Variants in TMX3 observed in about 807,000 individuals in gnomAD.
TMX3 encodes the protein protein disulfide-isomerase TMX3.
A neutral mutation model predicts 64.4 loss-of-function variants in TMX3; 40 were observed. The ratio of observed to expected loss-of-function variants is 0.62; its 90% confidence interval spans 0.48 to 0.81. TMX3 has a LOEUF of 0.81. Ranked by LOEUF, TMX3 falls within the 30% of genes least tolerant of loss-of-function variation. The pLI, the probability that TMX3 is intolerant of heterozygous loss-of-function variation, is 0.00. For synonymous variants in TMX3, 189 were observed against 175.7 expected, an observed-to-expected ratio of 1.08 and a Z score of -0.60; for missense variants, 497 against 534.5, an observed-to-expected ratio of 0.93 and a Z score of 0.69.
At chr18:68,689,017 C>G (rs1428888911) in intron 9 of TMX3, 1 of 152,132 alleles carries the variant, frequency 6.6e-6, no homozygotes, top group Admixed American at 6.6e-5. Context: ...ACCCATGTAA[C>G]AAACCTGCAC....
intron 13 of TMX3, among the ~76,000 whole-genome samples, chr18:68,682,609 C>G (rs1170640329): frequency 2.6e-5 from 4 of 151,924 alleles, no homozygotes; most frequent in African/African-American, 9.7e-5. Flanking sequence ...CCCATTAAAA[C>G]AGAACTTCTC....
At chr18:68,683,064 A>G in intron 12 of TMX3, 83 bp from the exon 13 acceptor site, 2 of 1,262,384 alleles carry the variant, frequency 1.6e-6, no homozygotes, top group South Asian at 2.6e-5. Flanking sequence ...TAAATAGTAA[A>G]AAAGTAAATA....
In TMX3 at chr18:68,675,661, CTAATA is replaced by C. The variant is rs1410618013; in HGVS notation, c.*1267_*1271del. On this transcript the variant is annotated 3_prime_UTR_variant, in exon 16 of 16. Transcript: ENST00000299608. ...GAATAACCACTCAAATCATAGTTGCCTAATATAAATTCTAAACTTAGCTAAAATGA... is the reference window on the plus strand; with the variant it reads ...GAATAACCACTCAAATCATAGTTGCCTAAATTCTAAACTTAGCTAAAATGA... The C allele has an allele frequency of 1.3e-5, 2 of 151,978 alleles. No individual in the cohort carries two copies. Among genetic ancestry groups the C allele is most frequent in the Non-Finnish European group, 2.9e-5 (2 of 68,004 alleles). The allele number at this position is 151,978 out of a possible 1,614,324, so 9.4% of individuals were successfully genotyped here.
chr18:68,688,681 A>T (rs1206817421), intron 9 of TMX3: 1 of 152,240 alleles, frequency 6.6e-6, no homozygotes, highest in Non-Finnish European at 1.5e-5. Context: ...TATTGATTTA[A>T]ATTTATAAAT....
rs1371581846 is a variant in TMX3 at position 68,676,177 on chromosome 18, AAC to A, written c.*754_*755del. 1.3e-5 allele frequency: 2 copies of A among 152,184 alleles called. No individual in the cohort carries two copies. Among genetic ancestry groups the A allele is most frequent in the Non-Finnish European group, 2.9e-5 (2 of 68,032 alleles). 9.4% of individuals were successfully genotyped at this position (152,184 alleles called of 1,614,324 possible). ...ATTCTGGCTAAAGCAGAGTAGGATT[AAC>A]AGAGACCCTTCCCAACCTACAATGA... On this transcript the variant is annotated 3_prime_UTR_variant, in exon 16 of 16. Coordinates refer to ENST00000299608, the MANE Select transcript of TMX3 (RefSeq NM_019022.5).
rs1297677743 is a variant in TMX3, at chr18:68,676,631, C to G, written c.*302G>C. The G allele has an allele frequency of 3.4e-6, 1 of 293,528 alleles. No homozygotes were observed. The highest frequency in any genetic ancestry group is 2.2e-5 in the African/African-American group (1 of 45,648). The allele number at this position is 293,528 out of a possible 1,614,324, so 18.2% of individuals were successfully genotyped here. A position where few individuals can be genotyped will look rare whatever the true frequency, so the allele number is the denominator to read the frequency against. The stretch of plus-strand genomic sequence containing the variant: ...CAATTTAAATATTCTGCCCAAGAAT[C>G]TTAACTTTTTGTCACAGAATATTCA... On this transcript the variant is annotated 3_prime_UTR_variant, in exon 16 of 16. Transcript: ENST00000299608.
intron 6 of TMX3, among the ~76,000 whole-genome samples, chr18:68,698,529 C>T (rs1309787637): frequency 6.6e-6 from 1 of 151,296 alleles, no homozygotes; most frequent in Admixed American, 6.6e-5. Flanking sequence ...AGGTTAAAAT[C>T]CAAAGAGTAT....
At chr18:68,703,591 G>A (rs926647281) in intron 4 of TMX3, among the ~76,000 whole-genome samples, 1 of 151,954 alleles carries the variant, frequency 6.6e-6, no homozygotes, top group Non-Finnish European at 1.5e-5. Context: ...ATTAACCTTC[G>A]CTTCTGACAT....
intron 4 of TMX3, 106 bp downstream of exon 4, chr18:68,709,915 G>T: frequency 9.2e-7 from 1 of 1,087,758 alleles, no homozygotes; most frequent in Non-Finnish European, 1.3e-6. Flanking sequence ...TAAGTTAATT[G>T]AATTTTACAT....
At chr18:68,693,613 G>T (rs1360716252) in intron 8 of TMX3, among the ~76,000 whole-genome samples, 1 of 152,128 alleles carries the variant, frequency 6.6e-6, no homozygotes, top group Non-Finnish European at 1.5e-5. Context: ...ACAGTGCCTG[G>T]GCTTCCTCCA....
chr18:68,704,810 G>C (rs2030500966), intron 4 of TMX3, among the ~76,000 whole-genome samples: 1 of 152,160 alleles, frequency 6.6e-6, no homozygotes, highest in African/African-American at 2.4e-5. Flanking sequence ...GTAACAGTTT[G>C]ATGCTAGAGG....
intron 6 of TMX3, among the ~76,000 whole-genome samples, chr18:68,698,877 C>CCGGGTGGTAG (rs1555688715): frequency 3.2e-5 from 1 of 31,596 alleles, no homozygotes; most frequent in Non-Finnish European, 2.0e-4. Context: ...AAAAAATTAG[C>CCGGGTGGTAG]CGGGCGTGGT....
In TMX3 at chr18:68,680,892, T is replaced by C. The variant is rs112989430; in HGVS notation, c.1035+89A>G. The C allele has an allele frequency of 2.5e-5, 33 of 1,335,432 alleles. No individual in the cohort carries two copies. In the African/African-American group the frequency reaches 3.4e-4, roughly 14 times the overall value. 82.7% of individuals were successfully genotyped at this position (1,335,432 alleles called of 1,614,324 possible). ...CTCTACTCCGGGTGATGGCCAACTA[T>C]TCTTTTCAGAATCACAAGTAAAGAA... On this transcript the variant is annotated intron_variant, in intron 14 of 15. Transcript: ENST00000299608.
intron 1 of TMX3, 122 bp downstream of exon 1, chr18:68,714,814 G>A (rs2031771689): frequency 1.5e-6 from 2 of 1,325,902 alleles, no homozygotes; most frequent in South Asian, 1.4e-5. Context: ...ACGCTGCCGG[G>A]AATGGGTGGG....
At chr18:68,712,375 T>C (rs2031371850) in intron 2 of TMX3, among the ~76,000 whole-genome samples, 1 of 152,170 alleles carries the variant, frequency 6.6e-6, no homozygotes, top group East Asian at 1.9e-4. Context: ...TTCACGTTGT[T>C]ATGGTGTCTT....
chr18:68,697,343 T>C, intron 7 of TMX3, 40 bp from the exon 8 acceptor site: 1 of 1,228,738 alleles, frequency 8.1e-7, no homozygotes, highest in Non-Finnish European at 1.1e-6. Flanking sequence ...TTGAAAAATA[T>C]TAAAGGCCAA....
chr18:68,713,003 TAAAA>T (rs34191235), intron 2 of TMX3, among the ~76,000 whole-genome samples: 209 of 122,290 alleles, frequency 1.7e-3, no homozygotes, highest in Non-Finnish European at 2.9e-3. Context: ...TCAAGAGGTT[TAAAA>T]AAAAAAAAAA....
rs1030082693 is a variant in TMX3 at position 68,683,042 on chromosome 18, G to C, written c.849-61C>G. The C allele has an allele frequency of 2.7e-6, 4 of 1,463,330 alleles. No homozygotes were observed. The African/African-American group carries it at 4.2e-5, about 15-fold the overall frequency. 90.6% of individuals were successfully genotyped at this position (1,463,330 alleles called of 1,614,324 possible). On this transcript the variant is annotated intron_variant, in intron 12 of 15. Transcript: ENST00000299608. ...GAGAGGGGGTGGGGGGAGAGAGAGA[G>C]AGAAAGCTCATTAAATAGTAAAAAA...
intron 12 of TMX3, 46 bp from the exon 13 acceptor site, chr18:68,683,027 G>T (rs8083026): frequency 2.6e-6 from 4 of 1,542,434 alleles, no homozygotes; most frequent in African/African-American, 1.4e-5. Context: ...GAGAGGGGGT[G>T]GGGGGAGAGA....
Sources: gnomAD v4.1 joint callset for allele counts (sites outside exome capture counted in the v4.1 genomes callset) on GRCh38, gnomAD v4.1.1 for gene constraint, MANE v1.5 for transcripts, NCBI Gene and HGNC (gene_info 2026-07-23, HGNC 2026-07-21) for gene names.